SLC16A6: variants seen among roughly 807,000 people sequenced by gnomAD.
The protein encoded by SLC16A6 is solute carrier family 16 member 6.
Under a neutral mutation model 33.8 loss-of-function variants are expected in SLC16A6, and 15 were observed. The observed-to-expected ratio is 0.44, with a 90% CI of 0.30 to 0.68. The LOEUF is 0.68. Ranked by LOEUF, SLC16A6 falls within the 30% of genes least tolerant of loss-of-function variation. The pLI is 0.10. For synonymous variants in SLC16A6, 219 were observed against 248.4 expected, an observed-to-expected ratio of 0.88 and a Z score of 1.11; for missense variants, 451 against 661.5, an observed-to-expected ratio of 0.68 and a Z score of 3.49.
At chr17:68,286,043 G>A (rs1239264474) in intron 1 of SLC16A6, among the ~76,000 whole-genome samples, 4 of 152,178 alleles carry the variant, frequency 2.6e-5, no homozygotes, top group Admixed American at 1.3e-4. Flanking sequence ...ACAGATGTGA[G>A]CCACCGCGCC....
Position 68,269,133 on chromosome 17 carries a change from T to G in SLC16A6, c.1535A>C (p.Asn512Thr), listed in dbSNP as rs781828437. The change falls in exon 6 of 6, where the codon AAT becomes ACT. Residue 512 changes from asparagine to threonine, a missense_variant. This residue lies in a region of SLC16A6 where 46 missense variants were observed against 150.8 expected (regional missense o/e 0.31). Coordinates refer to ENST00000580666, the MANE Select transcript of SLC16A6 (RefSeq NM_004694.5). ...EDFLEMDLAK[N>T]EHRVHVQMEP... ...CATTTGCACGTGAACTCTGTGCTCA[T>G]TTTTTGCAAGATCCATTTCCAGAAA... 9.3e-6 allele frequency: 14 copies of G among 1,513,008 alleles called. 1 individual carries two copies. The highest frequency in any genetic ancestry group is 2.3e-5 in the Admixed American group (1 of 43,390). 93.7% of individuals were successfully genotyped at this position (1,513,008 alleles called of 1,614,324 possible).
At chr17:68,289,585 C>T (rs1224197330) in intron 1 of SLC16A6, among the ~76,000 whole-genome samples, 2 of 152,194 alleles carry the variant, frequency 1.3e-5, no homozygotes, top group African/African-American at 4.8e-5. Context: ...CAAGTTGTTT[C>T]TGGCCCAAGT....
rs782327279 is a variant in SLC16A6, at chr17:68,274,039, G to C, written c.264C>G (p.Phe88Leu). Reference sequence around the variant, plus strand: ...CCAACATCACTACCAGACGGTGTCCGAAACGATTGCTCAGGACTGTGGCGA... The same window carrying C: ...CCAACATCACTACCAGACGGTGTCCCAAACGATTGCTCAGGACTGTGGCGA... ...APLATVLSNRFGHRLVVMLGG... is the reference protein window; with the variant it reads ...APLATVLSNRLGHRLVVMLGG... The change falls in exon 3 of 6, where the codon TTC becomes TTG. Residue 88 changes from phenylalanine (F) to leucine (L), a missense_variant. Physicochemically the swap from Phe to Leu is conservative, Grantham distance 22. Transcript: ENST00000580666. 1 of 1,614,142 alleles carries C rather than the reference G, an allele frequency of 6.2e-7. No individual in the cohort carries two copies. Among genetic ancestry groups the C allele is most frequent in the African/African-American group, 1.3e-5 (1 of 75,030 alleles).
intron 2 of SLC16A6, among the ~76,000 whole-genome samples, chr17:68,276,929 C>T (rs142014379): frequency 7.9e-5 from 12 of 152,168 alleles, no homozygotes; most frequent in Non-Finnish European, 1.5e-4. Flanking sequence ...TTATTTTATG[C>T]GATTGGGTCT....
intron 1 of SLC16A6, among the ~76,000 whole-genome samples, chr17:68,279,220 A>T (rs1452176514): frequency 6.6e-6 from 1 of 152,120 alleles, no homozygotes; most frequent in Non-Finnish European, 1.5e-5. Context: ...GCTGAAAAGC[A>T]AACATTGGCG....
intron 1 of SLC16A6, chr17:68,283,013 T>G (rs2075746515): frequency 6.6e-6 from 1 of 151,620 alleles, no homozygotes; most frequent in Non-Finnish European, 1.5e-5. Context: ...TCCCAGCCAC[T>G]TGGGTGGCTG....
chr17:68,290,395 TTGCTACGGAAC>T (rs2075944657), intron 1 of SLC16A6, among the ~76,000 whole-genome samples: 1 of 152,244 alleles, frequency 6.6e-6, no homozygotes, highest in African/African-American at 2.4e-5. Context: ...CCATCTTCCC[TTGCTACGGAAC>T]TGCTTGGCGA....
intron 4 of SLC16A6, among the ~76,000 whole-genome samples, chr17:68,272,148 G>A (rs1568406016): frequency 6.6e-6 from 1 of 152,088 alleles, no homozygotes; most frequent in African/African-American, 2.4e-5. Flanking sequence ...ATGTTGGCCA[G>A]GCTGGTCTCG....
At chr17:68,289,428 G>C (rs2075916443) in intron 1 of SLC16A6, among the ~76,000 whole-genome samples, 1 of 152,220 alleles carries the variant, frequency 6.6e-6, no homozygotes, top group Non-Finnish European at 1.5e-5. Flanking sequence ...TAGACCATCA[G>C]AGTGTTATTC....
intron 2 of SLC16A6, among the ~76,000 whole-genome samples, 162 bp downstream of exon 2, chr17:68,277,927 C>T (rs1472915021): frequency 6.6e-6 from 1 of 152,146 alleles, no homozygotes; most frequent in Non-Finnish European, 1.5e-5. Context: ...TGTTTCTTGC[C>T]AATCCTCAAT....
In SLC16A6 at chr17:68,268,788, C is replaced by T. The variant is rs3194531; in HGVS notation, c.*308G>A. The T allele has an allele frequency of 1.3e-5, 4 of 306,208 alleles. No homozygotes were observed. The highest frequency in any genetic ancestry group is 5.1e-5 in the South Asian group (1 of 19,674). 19.0% of individuals were successfully genotyped at this position (306,208 alleles called of 1,614,324 possible). ...CCAGTTCATGTCACTATTTTAATATCGGAATGTGAACCAAAGAGTCTTTCT... is the reference window on the plus strand; with the variant it reads ...CCAGTTCATGTCACTATTTTAATATTGGAATGTGAACCAAAGAGTCTTTCT... On this transcript the variant is annotated 3_prime_UTR_variant, in exon 6 of 6. Coordinates refer to ENST00000580666, the MANE Select transcript of SLC16A6 (RefSeq NM_004694.5).
Position 68,271,041 on chromosome 17 carries a change from C to G in SLC16A6, c.1119G>C (p.Leu373=). The change falls in exon 5 of 6, where the codon CTG becomes CTC. Residue 373 remains leucine (L), a synonymous_variant. Coordinates refer to ENST00000580666, the MANE Select transcript of SLC16A6 (RefSeq NM_004694.5). The surrounding 1 kb of genome is among the most constrained non-coding windows in gnomAD (Gnocchi z 5.3). ...LICVILLTVS[L]FAFTFATEFW... Reference sequence around the variant, plus strand: ...ATTCAGTAGCAAAAGTAAAGGCAAACAGAGACACAGTCAATAAGATGACGC... The same window carrying G: ...ATTCAGTAGCAAAAGTAAAGGCAAAGAGAGACACAGTCAATAAGATGACGC... 1.2e-6 allele frequency: 2 copies of G among 1,614,162 alleles called. No individual in the cohort carries two copies. The highest frequency in any genetic ancestry group is 1.7e-6 in the Non-Finnish European group (2 of 1,180,040).
chr17:68,270,781 C>T (rs541141713), intron 5 of SLC16A6, 58 bp downstream of exon 5: 120 of 1,424,704 alleles, frequency 8.4e-5, no homozygotes, highest in Non-Finnish European at 1.1e-4. Flanking sequence ...GAACAGGAAG[C>T]TAGCACAATT....
At chr17:68,284,050 C>T (rs2075784700) in intron 1 of SLC16A6, among the ~76,000 whole-genome samples, 1 of 146,970 alleles carries the variant, frequency 6.8e-6, no homozygotes, top group African/African-American at 2.5e-5. Context: ...GAGGTCACAC[C>T]ACTGCACTCC....
rs781793732 is a variant in SLC16A6 at position 68,272,783 on chromosome 17, C to A, written c.377-16G>T. 2.9e-5 allele frequency: 46 copies of A among 1,612,460 alleles called. No individual in the cohort carries two copies. The South Asian group carries it at 4.5e-4, about 16-fold the overall frequency. ...TATCCCAGACCTGTGAAAGAAAAGT[C>A]AAAAAAGCCAATGAGACCCACATAC... On this transcript the variant is annotated splice_polypyrimidine_tract_variant and intron_variant, in intron 3 of 5. Coordinates refer to ENST00000580666, the MANE Select transcript of SLC16A6 (RefSeq NM_004694.5).
Position 68,271,494 on chromosome 17 carries a change from C to A in SLC16A6, c.666G>T (p.Ala222=), listed in dbSNP as rs373572305. 1 of 1,614,134 alleles carries A rather than the reference C, an allele frequency of 6.2e-7. No homozygotes were observed. ...KIVIQENRKE[A]QYMLENEKTR... ...TTTTCTCATTTTCAAGCATATACTG[C>A]GCTTCTTTCCGATTTTCCTGGATGA... The change falls in exon 5 of 6, where the codon GCG becomes GCT. Residue 222 remains alanine (A), a synonymous_variant. Transcript: ENST00000580666. The surrounding 1 kb of genome is among the most constrained non-coding windows in gnomAD (Gnocchi z 5.3).
rs1347603349 is a variant in SLC16A6 at position 68,268,999 on chromosome 17, G to A, written c.*97C>T. 10 of 1,555,394 alleles carry A rather than the reference G, an allele frequency of 6.4e-6. 1 individual carries two copies. In the African/African-American group the frequency reaches 1.4e-4, roughly 21 times the overall value. ...CCTTTAAAATGTAGTTTTGAAAGTG[G>A]AGTAGAGGGGTTAGCTCCTCTGCCT... On this transcript the variant is annotated 3_prime_UTR_variant, in exon 6 of 6. Transcript: ENST00000580666.
chr17:68,275,510 G>A (rs1056226701), intron 2 of SLC16A6, among the ~76,000 whole-genome samples: 2 of 151,856 alleles, frequency 1.3e-5, no homozygotes, highest in Non-Finnish European at 2.9e-5. Flanking sequence ...ATTATCTTCT[G>A]GTATAATAGT....
chr17:68,280,083 G>A (rs550282101), intron 1 of SLC16A6, among the ~76,000 whole-genome samples: 5 of 150,898 alleles, frequency 3.3e-5, no homozygotes, highest in Non-Finnish European at 7.4e-5. Flanking sequence ...TCAGGAAGCT[G>A]AGGCAGGAGA....
Sources: allele counts gnomAD v4.1 joint callset (sites outside exome capture counted in the v4.1 genomes callset), GRCh38; gene constraint gnomAD v4.1.1; regional missense constraint gnomAD v4.1.1; non-coding constraint Gnocchi (gnomAD v3.1); transcripts MANE v1.5; gene names NCBI Gene and HGNC (gene_info 2026-07-23, HGNC 2026-07-21).